The following MRAP2 variants were observed in gnomAD, a reference collection of about 807,000 sequenced individuals.
The protein encoded by MRAP2 is melanocortin-2 receptor accessory protein 2.
A neutral mutation model predicts 17.4 loss-of-function variants in MRAP2; 20 were observed. The ratio of observed to expected loss-of-function variants is 1.15; its 90% CI spans 0.81 to 1.67. The LOEUF is 1.67. MRAP2 is among the 40% of genes most tolerant of loss of function. The pLI is 0.00. For synonymous variants in MRAP2, 96 were observed against 88.4 expected (o/e 1.09, Z -0.48); for missense variants, 238 against 240.0 (o/e 0.99, Z 0.05).
At position 84,062,983 on chromosome 6, in the gene MRAP2, C is replaced by G. The variant is rs1189717513; in HGVS notation, c.218C>G (p.Pro73Arg). ...ACCTTGCTGACCAAGACAGGAGCCC[C>G]ACACCAAGAGTAAGTTTGGGCTGTT... ...VLTLLTKTGA[P>R]HQDNAESSEK... The change falls in exon 3 of 4, where the codon CCA becomes CGA. Residue 73 changes from proline (P) to arginine (R), a missense_variant. By Grantham distance (103) the Pro-to-Arg change is moderately radical. Coordinates refer to ENST00000257776, the MANE Select transcript of MRAP2 (RefSeq NM_138409.4). 1.4e-5 allele frequency: 23 copies of G among 1,614,004 alleles called. No homozygotes were observed. Among genetic ancestry groups the G allele is most frequent in the Non-Finnish European group, 1.8e-5 (21 of 1,180,018 alleles).
At chr6:84,066,979 C>A (rs1477924271) in intron 3 of MRAP2, among the ~76,000 whole-genome samples, 1 of 151,946 alleles carries the variant, frequency 6.6e-6, no homozygotes, top group East Asian at 1.9e-4. Flanking sequence ...ATTGGTGCAC[C>A]CATCACCCGA....
At chr6:84,120,413 T>C in the MRAP2 span, among the ~76,000 whole-genome samples, 653 of 152,270 alleles carry the variant, frequency 4.3e-3, 1 homozygote, top group African/African-American at 0.014. Context: ...TAGGAGAAGA[T>C]AGATCACTTC....
In MRAP2 at chr6:84,070,759, A is replaced by AT. The variant is rs140807070; in HGVS notation, c.227+7768dup. Among the ~76,000 whole-genome samples, 22 of 152,270 alleles carry AT rather than the reference A, an allele frequency of 1.4e-4. No individual in the cohort carries two copies. In the East Asian group the frequency reaches 4.2e-3, roughly 29 times the overall value. ...ATTTGGGAGCTCCAGTGTTAGGTGC[A>AT]TATATGTTTAGGATTGTGATATTTT... On this transcript the variant is annotated intron_variant, in intron 3 of 3. Coordinates refer to ENST00000257776, the MANE Select transcript of MRAP2 (RefSeq NM_138409.4).
intron 3 of MRAP2, among the ~76,000 whole-genome samples, chr6:84,073,119 A>G (rs1017991446): frequency 3.3e-5 from 5 of 151,936 alleles, no homozygotes; most frequent in African/African-American, 1.2e-4. Context: ...AATTGTTACA[A>G]AGTTCAGCTG....
chr6:84,064,689 A>G (rs112316846), intron 3 of MRAP2, among the ~76,000 whole-genome samples: 33,236 of 152,096 alleles, frequency 0.22, 4,374 homozygotes, highest in Non-Finnish European at 0.31. Flanking sequence ...GGGTTTCACC[A>G]TGTTAGCCAG....
chr6:84,078,769 T>C (rs555399530), intron 3 of MRAP2, among the ~76,000 whole-genome samples: 1 of 152,350 alleles, frequency 6.6e-6, no homozygotes, highest in East Asian at 1.9e-4. Context: ...TTTATGGGTC[T>C]GCTTCTCCTT....
At chr6:84,076,474 T>G (rs2099497655) in intron 3 of MRAP2, among the ~76,000 whole-genome samples, 1 of 152,062 alleles carries the variant, frequency 6.6e-6, no homozygotes. Flanking sequence ...TCCACCTACC[T>G]CTGCCTCCCA....
chr6:84,096,107 T>G, the MRAP2 span, among the ~76,000 whole-genome samples: 1 of 152,180 alleles, frequency 6.6e-6, no homozygotes, highest in Non-Finnish European at 1.5e-5. Context: ...AGTTTTTTCT[T>G]CCTCATGTTT....
rs1470421527 is a variant in MRAP2, at chr6:84,089,703, G to A, written c.*222G>A. ...GCTTTTTAATACATTTGGAGCTTTG[G>A]GAGTATTAAAGTATTTACACCAAGC... On this transcript the variant is annotated 3_prime_UTR_variant, in exon 4 of 4. Transcript: ENST00000257776. 1.9e-6 allele frequency: 1 copy of A among 526,672 alleles called. No individual in the cohort carries two copies. The highest frequency in any genetic ancestry group is 1.9e-5 in the African/African-American group (1 of 52,866). The allele number at this position is 526,672 out of a possible 1,614,324, so 32.6% of individuals were successfully genotyped here.
At chr6:84,041,832 A>C (rs2099487671) in intron 1 of MRAP2, among the ~76,000 whole-genome samples, 3 of 152,216 alleles carry the variant, frequency 2.0e-5, no homozygotes, top group Admixed American at 6.5e-5. Flanking sequence ...ACTGATAGGC[A>C]GGAGTTGCCT....
chr6:84,089,720 A>C lies in MRAP2; in HGVS notation c.*239A>C. On this transcript the variant is annotated 3_prime_UTR_variant, in exon 4 of 4. Transcript: ENST00000257776. ...GAGCTTTGGGAGTATTAAAGTATTT[A>C]CACCAAGCTTGTCCAACCCGTGGCA... 2.1e-6 allele frequency: 1 copy of C among 469,224 alleles called. No individual in the cohort carries two copies. 29.1% of individuals were successfully genotyped at this position (469,224 alleles called of 1,614,324 possible). A position where few individuals can be genotyped will look rare whatever the true frequency, so the allele number is the denominator to read the frequency against.
intron 1 of MRAP2, among the ~76,000 whole-genome samples, chr6:84,040,220 A>G (rs758026661): frequency 6.6e-6 from 1 of 152,168 alleles, no homozygotes; most frequent in Non-Finnish European, 1.5e-5. Context: ...CGCTATGTAA[A>G]GAAGGATGTG....
chr6:84,131,119 T>C, the MRAP2 span, among the ~76,000 whole-genome samples: 1 of 152,226 alleles, frequency 6.6e-6, no homozygotes, highest in South Asian at 2.1e-4. Context: ...ATTTATCCAG[T>C]AGTCCTTCAG....
chr6:84,116,054 G>A, the MRAP2 span, among the ~76,000 whole-genome samples: 1 of 152,132 alleles, frequency 6.6e-6, no homozygotes, highest in Non-Finnish European at 1.5e-5. Flanking sequence ...CTAGACTTAA[G>A]ATCATGTCAT....
At chr6:84,122,880 G>A in the MRAP2 span, among the ~76,000 whole-genome samples, 1 of 152,014 alleles carries the variant, frequency 6.6e-6, no homozygotes, top group Admixed American at 6.6e-5. Context: ...GTTCAGTAAA[G>A]TTTCAGGATA....
intron 3 of MRAP2, among the ~76,000 whole-genome samples, chr6:84,067,140 C>T (rs1357938123): frequency 6.6e-6 from 1 of 152,044 alleles, no homozygotes; most frequent in East Asian, 1.9e-4. Context: ...AAGATGTTTG[C>T]TTTTCAATTT....
chr6:84,098,682 T>C, the MRAP2 span, among the ~76,000 whole-genome samples: 1 of 152,184 alleles, frequency 6.6e-6, no homozygotes, highest in Admixed American at 6.5e-5. Context: ...TGTAGTAGTA[T>C]GTCATTTTTC....
At chr6:84,099,918 TG>T in the MRAP2 span, among the ~76,000 whole-genome samples, 1 of 152,008 alleles carries the variant, frequency 6.6e-6, no homozygotes, top group Non-Finnish European at 1.5e-5. Context: ...GGGAGTATAG[TG>T]GTGGGATCTT....
chr6:84,054,455 G>GTTGTGGTTGGACAACT (rs1306408807), intron 1 of MRAP2, among the ~76,000 whole-genome samples: 3 of 152,188 alleles, frequency 2.0e-5, no homozygotes, highest in Non-Finnish European at 4.4e-5. Context: ...ATAAATTTCA[G>GTTGTGGTTGGACAACT]GAGTAAGCAG....
Sources: allele counts gnomAD v4.1 joint callset (sites outside exome capture counted in the v4.1 genomes callset), GRCh38; gene constraint gnomAD v4.1.1; transcripts MANE v1.5; gene names NCBI Gene and HGNC (gene_info 2026-07-23, HGNC 2026-07-21).